The following AUTS2 variants were observed in gnomAD, a reference collection of about 807,000 sequenced individuals.
AUTS2 encodes activator of transcription and developmental regulator AUTS2, also known as autism susceptibility gene 2 protein.
In AUTS2, 17 loss-of-function variants were observed where a neutral mutation model predicts 112.4. That is an observed-to-expected ratio of 0.15 (90% CI 0.10 to 0.23). The LOEUF (loss-of-function observed/expected upper bound fraction) is 0.23, where lower values mean the gene tolerates loss of function less well. Ranked by LOEUF, AUTS2 falls within the 10% of genes least tolerant of loss-of-function variation. The pLI, the probability that AUTS2 is intolerant of heterozygous loss-of-function variation, is 1.00. For missense variants in AUTS2, 1,510 were observed against 1,701.6 expected (o/e 0.89, Z 1.98); for synonymous variants, 751 against 702.7 (o/e 1.07, Z -1.09).
At chr7:70,496,779 TCAGA>T (rs1798547979) in intron 5 of AUTS2, among the ~76,000 whole-genome samples, 3 of 17,706 alleles carry the variant, frequency 1.7e-4, no homozygotes, top group African/African-American at 3.2e-4. Context: ...ACGTACACAG[TCAGA>T]CACACACACA....
intron 2 of AUTS2, among the ~76,000 whole-genome samples, chr7:70,055,773 A>G (rs1222256045): frequency 6.6e-6 from 1 of 152,222 alleles, no homozygotes; most frequent in African/African-American, 2.4e-5. Flanking sequence ...CCAAAGAATT[A>G]ACAAAATTTT....
chr7:69,631,350 G>A (rs1794235132), intron 1 of AUTS2, among the ~76,000 whole-genome samples: 1 of 152,016 alleles, frequency 6.6e-6, no homozygotes. Flanking sequence ...AGCGGTTTGA[G>A]GACTGTACCT....
intron 1 of AUTS2, among the ~76,000 whole-genome samples, chr7:69,693,453 G>C (rs538972662): frequency 4.9e-4 from 74 of 152,330 alleles, no homozygotes; most frequent in African/African-American, 1.4e-3. Context: ...ATTAGCAAAG[G>C]CTTTAGAAAA....
chr7:69,699,882 T>C (rs535310057), intron 1 of AUTS2, among the ~76,000 whole-genome samples: 16 of 152,124 alleles, frequency 1.1e-4, no homozygotes, highest in Non-Finnish European at 2.1e-4. Flanking sequence ...TGACCTCAAG[T>C]GATCTGCCCG....
chr7:70,275,597 G>C (rs1787891429), intron 4 of AUTS2, among the ~76,000 whole-genome samples: 1 of 152,094 alleles, frequency 6.6e-6, no homozygotes, highest in Non-Finnish European at 1.5e-5. Flanking sequence ...GTATGATTTG[G>C]CTCTGTCCCC....
chr7:70,508,813 G>A (rs1799071320), intron 5 of AUTS2, among the ~76,000 whole-genome samples: 1 of 152,168 alleles, frequency 6.6e-6, no homozygotes, highest in Admixed American at 6.5e-5. Flanking sequence ...GATGGAGAAA[G>A]GGCAAGGTAT....
intron 5 of AUTS2, among the ~76,000 whole-genome samples, chr7:70,640,989 C>G (rs893514387): frequency 3.6e-4 from 55 of 152,176 alleles, no homozygotes; most frequent in African/African-American, 1.3e-3. Flanking sequence ...CCTCCCAGGC[C>G]TGCCATTCAA....
At chr7:70,778,041 C>T (rs1468503509) in intron 14 of AUTS2, among the ~76,000 whole-genome samples, 2 of 152,204 alleles carry the variant, frequency 1.3e-5, no homozygotes, top group African/African-American at 2.4e-5. Flanking sequence ...GAGCCACGTT[C>T]TGGCTAGTTA....
chr7:69,864,429 A>G (rs527363981), intron 1 of AUTS2, among the ~76,000 whole-genome samples: 1 of 152,228 alleles, frequency 6.6e-6, no homozygotes, highest in East Asian at 1.9e-4. Flanking sequence ...TCTGAAAGCA[A>G]TTTTGTTCAA....
At chr7:70,779,504 G>A (rs1183340389) in intron 14 of AUTS2, among the ~76,000 whole-genome samples, 1 of 152,192 alleles carries the variant, frequency 6.6e-6, no homozygotes, top group Non-Finnish European at 1.5e-5. Flanking sequence ...GAGGTGCACG[G>A]GTAGCTTTTG....
At chr7:70,757,807 CTTTTTT>C (rs3974412) in intron 6 of AUTS2, among the ~76,000 whole-genome samples, 4 of 60,526 alleles carry the variant, frequency 6.6e-5, no homozygotes, top group Admixed American at 3.0e-4. Flanking sequence ...TCCATGGCTT[CTTTTTT>C]TTTTTTTTTT....
chr7:70,540,314 A>G (rs1381486353), intron 5 of AUTS2, among the ~76,000 whole-genome samples: 9 of 151,792 alleles, frequency 5.9e-5, no homozygotes, highest in Non-Finnish European at 1.3e-4. Context: ...AAGGGCAGCT[A>G]CCCCCCTAGC....
At chr7:70,300,342 C>T (rs1037695628) in intron 4 of AUTS2, among the ~76,000 whole-genome samples, 7 of 152,156 alleles carry the variant, frequency 4.6e-5, no homozygotes, top group African/African-American at 1.2e-4. Context: ...GTGCGGGCTG[C>T]GGGTTCCACA....
At chr7:70,714,469 G>C (rs1810245137) in intron 6 of AUTS2, among the ~76,000 whole-genome samples, 1 of 152,134 alleles carries the variant, frequency 6.6e-6, no homozygotes, top group African/African-American at 2.4e-5. Context: ...TAAATATGCA[G>C]TAATTCCTCA....
At chr7:70,455,567 C>G (rs1248857695) in intron 5 of AUTS2, among the ~76,000 whole-genome samples, 2 of 152,164 alleles carry the variant, frequency 1.3e-5, no homozygotes, top group Non-Finnish European at 2.9e-5. Context: ...CTACACATCA[C>G]AGTCACTCAG....
At chr7:70,595,565 G>T (rs1029715842) in intron 5 of AUTS2, among the ~76,000 whole-genome samples, 1 of 152,100 alleles carries the variant, frequency 6.6e-6, no homozygotes, top group African/African-American at 2.4e-5. Context: ...GCAGCCCCAA[G>T]GGCAGGGCTG....
chr7:69,917,859 T>C (rs1562967752), intron 2 of AUTS2, among the ~76,000 whole-genome samples: 1 of 151,644 alleles, frequency 6.6e-6, no homozygotes, highest in Non-Finnish European at 1.5e-5. Flanking sequence ...GTTGTTGTTG[T>C]TGCGACGGAG....
At chr7:70,425,991 G>A (rs946101615) in intron 4 of AUTS2, among the ~76,000 whole-genome samples, 14 of 152,020 alleles carry the variant, frequency 9.2e-5, no homozygotes, top group Non-Finnish European at 1.0e-4. Flanking sequence ...AACACTATGA[G>A]GTACATACTG....
chr7:70,163,927 C>T lies in AUTS2; in HGVS notation c.660+29356C>T, dbSNP rs997968682. ...GCAGGAGAACTGAGAAATTCTCCTT[C>T]CCCCCTCCAAGAGCCTTCAACCATA... On this transcript the variant is annotated intron_variant, in intron 4 of 18. Coordinates refer to ENST00000342771, the MANE Select transcript of AUTS2 (RefSeq NM_015570.4). Among the ~76,000 whole-genome samples, 5 of 152,178 alleles carry T rather than the reference C, an allele frequency of 3.3e-5. No individual in the cohort carries two copies. In the East Asian group the frequency reaches 5.8e-4, roughly 18 times the overall value.
Sources: gnomAD v4.1 joint callset for allele counts (sites outside exome capture counted in the v4.1 genomes callset) on GRCh38, gnomAD v4.1.1 for gene constraint, MANE v1.5 for transcripts, NCBI Gene and HGNC (gene_info 2026-07-23, HGNC 2026-07-21) for gene names.